The following RGN variants were observed in gnomAD, a reference collection of about 807,000 sequenced individuals.
RGN encodes the protein epididymis secretory protein Li 41.
RGN carries 19 observed loss-of-function variants against 20.6 expected under a neutral mutation model. That is an observed-to-expected ratio of 0.92 (90% CI 0.64 to 1.35). RGN has a LOEUF of 1.35. Among genes scored for constraint, RGN ranks in the 40% most tolerant of loss-of-function variants. The pLI is 0.00. For synonymous variants in RGN, 85 were observed against 87.2 expected (o/e 0.97, Z 0.14); for missense variants, 302 against 232.7 (o/e 1.30, Z -1.94).
chrX:47,085,498 T>G (rs1281613827), intron 4 of RGN, among the ~76,000 whole-genome samples: 1 of 109,470 alleles, frequency 9.1e-6, no homozygotes, highest in African/African-American at 3.3e-5. Context: ...GCCTGGGCAA[T>G]AGAGCGAGAC....
intron 4 of RGN, among the ~76,000 whole-genome samples, 189 bp from the exon 5 acceptor site, chrX:47,089,587 A>ACATAT (rs1556386215): frequency 8.2e-4 from 41 of 50,143 alleles, no homozygotes; most frequent in South Asian, 3.4e-3. Flanking sequence ...CTTTATATAT[A>ACATAT]TATATATATA....
chrX:47,086,482 A>G (rs1930593327), intron 4 of RGN, among the ~76,000 whole-genome samples: 1 of 111,075 alleles, frequency 9.0e-6, no homozygotes, highest in Non-Finnish European at 1.9e-5. Flanking sequence ...ATTATCTCAG[A>G]TGGTTTCTGA....
At position 47,084,555 on chromosome X, in the gene RGN, C is replaced by A; in HGVS notation, c.301C>A (p.Arg101Ser). The change falls in exon 4 of 8, where the codon CGC becomes AGC. Residue 101 changes from arginine (R) to serine (S), a missense_variant. By Grantham distance (110) the Arg-to-Ser change is moderately radical. Coordinates refer to ENST00000397180, the MANE Select transcript of RGN (RefSeq NM_152869.4). ...GGTGGATAACGACAAGAAAAACAAT[C>A]GCTTCAATGATGGGAAGGTGGATCC... ...ATVDNDKKNN[R>S]FNDGKVDPAG... The A allele has an allele frequency of 8.3e-7, 1 of 1,199,939 alleles. No individual in the cohort carries two copies. The highest frequency in any genetic ancestry group is 1.1e-6 in the Non-Finnish European group (1 of 888,951).
At chrX:47,088,162 G>A (rs1258751303) in intron 4 of RGN, among the ~76,000 whole-genome samples, 5 of 106,510 alleles carry the variant, frequency 4.7e-5, no homozygotes, top group Admixed American at 4.3e-4. Flanking sequence ...CCAGAAAAAG[G>A]TGGGGTTATC....
rs1930840226 is a variant in RGN, at chrX:47,089,666, G to A, written c.347-110G>A. On this transcript the variant is annotated intron_variant, in intron 4 of 7. Coordinates refer to ENST00000397180, the MANE Select transcript of RGN (RefSeq NM_152869.4). Reference sequence around the variant, plus strand: ...ATATGGCCCAGATTGGAATTGTATAGTGATTTCCTTTGATTTAATCACTGG... The same window carrying A: ...ATATGGCCCAGATTGGAATTGTATAATGATTTCCTTTGATTTAATCACTGG... 8 of 445,084 alleles carry A rather than the reference G, an allele frequency of 1.8e-5. No individual in the cohort carries two copies. The South Asian group carries it at 3.2e-4, about 18-fold the overall frequency. The allele number at this position is 445,084 out of a possible 1,213,427, so 36.7% of individuals were successfully genotyped here.
rs1345003063 is a variant in RGN at position 47,092,181 on chromosome X, T to G, written c.815T>G (p.Leu272Arg). 8.4e-7 allele frequency: 1 copy of G among 1,188,129 alleles called. No individual in the cohort carries two copies. The highest frequency in any genetic ancestry group is 1.1e-6 in the Non-Finnish European group (1 of 883,899). The change falls in exon 7 of 8, where the codon CTT becomes CGT. Residue 272 changes from leucine (L) to arginine (R), a missense_variant. Coordinates refer to ENST00000397180, the MANE Select transcript of RGN (RefSeq NM_152869.4). ...CARDGMDPEG[L>R]LRQPEAGGIF... ...CGGGATGGGATGGACCCCGAGGGTC[T>G]TTTGAGGCAACCTGAAGCTGGTGGA...
intron 1 of RGN, among the ~76,000 whole-genome samples, chrX:47,079,950 C>T (rs781965759): frequency 7.2e-5 from 8 of 110,986 alleles, no homozygotes; most frequent in African/African-American, 2.3e-4. Flanking sequence ...GTGGCATGAT[C>T]ACGGCTCATT....
chrX:47,089,632 CATAT>C (rs1227990214), intron 4 of RGN, 140 bp from the exon 5 acceptor site: 13 of 205,037 alleles, frequency 6.3e-5, no homozygotes, highest in African/African-American at 5.8e-4. Context: ...CACACACACA[CATAT>C]ATATATATGG....
At chrX:47,090,195 T>C (rs919638315) in intron 5 of RGN, among the ~76,000 whole-genome samples, 1 of 111,108 alleles carries the variant, frequency 9.0e-6, no homozygotes, top group Admixed American at 9.7e-5. Flanking sequence ...TATTTAAATA[T>C]GGCAAGAGTT....
At chrX:47,087,916 A>AGCTT in intron 4 of RGN, among the ~76,000 whole-genome samples, 1 of 100,985 alleles carries the variant, frequency 9.9e-6, no homozygotes, top group African/African-American at 3.5e-5. Flanking sequence ...ATTATATATA[A>AGCTT]ATATAATTAT....
In RGN at chrX:47,092,103, C is replaced by G; in HGVS notation, c.737C>G (p.Thr246Ser). 1 of 1,207,562 alleles carries G rather than the reference C, an allele frequency of 8.3e-7. No individual in the cohort carries two copies. The highest frequency in any genetic ancestry group is 1.1e-6 in the Non-Finnish European group (1 of 892,281). Residue 246 changes from threonine (T) to serine (S), a missense_variant, in exon 7 of 8, where the codon ACT becomes AGT. Physicochemically the swap from Thr to Ser is moderately conservative, Grantham distance 58. Coordinates refer to ENST00000397180, the MANE Select transcript of RGN (RefSeq NM_152869.4). ...QTVKLPVDKTTSCCFGGKNYS... is the reference protein window; with the variant it reads ...QTVKLPVDKTSSCCFGGKNYS... ...GTGAAGTTGCCTGTTGATAAAACAA[C>G]TTCATGCTGCTTTGGAGGGAAGAAT...
Position 47,093,093 on chromosome X carries a change from G to A in RGN, c.*146G>A, listed in dbSNP as rs999712788. 8.3e-6 allele frequency: 4 copies of A among 483,486 alleles called. No individual in the cohort carries two copies. In the African/African-American group the frequency reaches 9.8e-5, roughly 12 times the overall value. 39.8% of individuals were successfully genotyped at this position (483,486 alleles called of 1,213,427 possible). A position where few individuals can be genotyped will look rare whatever the true frequency, so the allele number is the denominator to read the frequency against. Reference sequence around the variant, plus strand: ...TAATTTACAACTTTTAAAAGGCAGAGCATTTTTAACAAGGGGTGACAGGTG... The same window carrying A: ...TAATTTACAACTTTTAAAAGGCAGAACATTTTTAACAAGGGGTGACAGGTG... On this transcript the variant is annotated 3_prime_UTR_variant, in exon 8 of 8. Transcript: ENST00000397180.
intron 5 of RGN, among the ~76,000 whole-genome samples, chrX:47,090,648 T>G (rs1930903036): frequency 1.8e-5 from 2 of 108,816 alleles, no homozygotes; most frequent in Admixed American, 2.0e-4. Flanking sequence ...AGAGCAACAT[T>G]AATAATAAAA....
chrX:47,086,299 G>A (rs1930586456), intron 4 of RGN, among the ~76,000 whole-genome samples: 2 of 111,357 alleles, frequency 1.8e-5, no homozygotes, highest in South Asian at 7.5e-4. Context: ...GGTACACGAT[G>A]TCCGTGTGTC....
Position 47,092,163 on chromosome X carries a change from G to A in RGN, c.797G>A (p.Gly266Glu), listed in dbSNP as rs2147029928. Residue 266 changes from glycine to glutamate, a missense_variant, in exon 7 of 8, where the codon GGG (glycine) becomes GAG (glutamate). Gly to Glu is a moderately conservative substitution (Grantham distance 98). Transcript: ENST00000397180. Reference sequence around the variant, plus strand: ...ATGTATGTGACCTGCGCCCGGGATGGGATGGACCCCGAGGGTCTTTTGAGG... The same window carrying A: ...ATGTATGTGACCTGCGCCCGGGATGAGATGGACCCCGAGGGTCTTTTGAGG... ...SEMYVTCARD[G>E]MDPEGLLRQP... 2 of 1,199,542 alleles carry A rather than the reference G, an allele frequency of 1.7e-6. No individual in the cohort carries two copies. Among genetic ancestry groups the A allele is most frequent in the Non-Finnish European group, 2.3e-6 (2 of 888,469 alleles).
intron 3 of RGN, among the ~76,000 whole-genome samples, chrX:47,084,200 C>T (rs782457548): frequency 3.6e-5 from 4 of 111,000 alleles, no homozygotes; most frequent in African/African-American, 1.3e-4. Flanking sequence ...GGGTTTTTTT[C>T]ACATTTCTAT....
chrX:47,092,246 T>TG, intron 7 of RGN, 31 bp downstream of exon 7: 1 of 1,132,327 alleles, frequency 8.8e-7, no homozygotes, highest in South Asian at 2.0e-5. Context: ...ATTTTGGGGG[T>TG]GGGGGATCCC....
intron 3 of RGN, among the ~76,000 whole-genome samples, chrX:47,082,999 G>A (rs1342168748): frequency 9.0e-6 from 1 of 111,125 alleles, no homozygotes; most frequent in Admixed American, 9.7e-5. Context: ...CACTGAAGGG[G>A]TGCTTAGGAA....
At chrX:47,083,646 C>T (rs1556382504) in intron 3 of RGN, among the ~76,000 whole-genome samples, 5 of 111,895 alleles carry the variant, frequency 4.5e-5, no homozygotes, top group Admixed American at 3.8e-4. Context: ...CGTGGTGGCT[C>T]ACGCCTAATA....
Sources: allele counts gnomAD v4.1 joint callset (sites outside exome capture counted in the v4.1 genomes callset), GRCh38; gene constraint gnomAD v4.1.1; transcripts MANE v1.5; gene names NCBI Gene and HGNC (gene_info 2026-07-23, HGNC 2026-07-21).